MTA3: variants seen among roughly 807,000 people sequenced by gnomAD.
The protein encoded by MTA3 is metastasis-associated protein MTA3.
A neutral mutation model predicts 83.5 loss-of-function variants in MTA3; 34 were observed. That is an observed-to-expected ratio of 0.41 (90% CI 0.31 to 0.54). MTA3 has a LOEUF of 0.54. Ranked by LOEUF, MTA3 falls within the 20% of genes least tolerant of loss-of-function variation. The pLI is 0.33. For missense variants in MTA3, 761 were observed against 726.4 expected, an observed-to-expected ratio of 1.05 and a Z score of -0.55; for synonymous variants, 303 against 252.7, an observed-to-expected ratio of 1.20 and a Z score of -1.89.
chr2:42,737,218 T>C (rs1231410639), intron 16 of MTA3, among the ~76,000 whole-genome samples: 1 of 152,204 alleles, frequency 6.6e-6, no homozygotes, highest in Non-Finnish European at 1.5e-5. Flanking sequence ...TTGCAGTCCT[T>C]GTGGCCTAGA....
At chr2:42,683,908 A>G (rs912399383) in intron 9 of MTA3, among the ~76,000 whole-genome samples, 1 of 152,172 alleles carries the variant, frequency 6.6e-6, no homozygotes, top group African/African-American at 2.4e-5. Context: ...TGAGTATCCT[A>G]TGTATATTTT....
chr2:42,701,645 G>T (rs1665569093), intron 11 of MTA3, among the ~76,000 whole-genome samples: 2 of 152,160 alleles, frequency 1.3e-5, no homozygotes, highest in African/African-American at 2.4e-5. Flanking sequence ...GCTGGGCACA[G>T]TGACTTACGC....
intron 2 of MTA3, among the ~76,000 whole-genome samples, chr2:42,508,762 G>A (rs1272462001): frequency 1.4e-5 from 2 of 141,578 alleles, no homozygotes; most frequent in Non-Finnish European, 3.0e-5. Flanking sequence ...ATATTATATA[G>A]TATTATATAA....
chr2:42,530,044 G>T (rs563554061), intron 2 of MTA3, among the ~76,000 whole-genome samples: 216 of 151,994 alleles, frequency 1.4e-3, no homozygotes, highest in Non-Finnish European at 2.1e-3. Context: ...AATTAGCCGG[G>T]CGTGGTGGTG....
intron 2 of MTA3, among the ~76,000 whole-genome samples, chr2:42,525,631 T>C (rs74179018): frequency 0.33 from 46,265 of 138,640 alleles, 7,824 homozygotes; most frequent in South Asian, 0.38. Flanking sequence ...TCCTACTTTC[T>C]TTCTTTCTTT....
In MTA3 at chr2:42,756,513, C is replaced by T. The variant is rs1670247100; in HGVS notation, c.*3114C>T. ...AGTGCACTCGGTGTCATGTCTGAGC[C>T]TGGTGTTTATGCCCCACTGCTGTCC... On this transcript the variant is annotated 3_prime_UTR_variant, in exon 17 of 17. Coordinates refer to ENST00000405094, the MANE Select transcript of MTA3 (RefSeq NM_001330442.2). 2.8e-5 allele frequency: 28 copies of T among 985,638 alleles called. No individual in the cohort carries two copies. In the South Asian group the frequency reaches 1.3e-3, roughly 45 times the overall value. The allele number at this position is 985,638 out of a possible 1,614,324, so 61.1% of individuals were successfully genotyped here.
At chr2:42,558,582 G>A (rs1459804363) in intron 2 of MTA3, among the ~76,000 whole-genome samples, 68 of 145,866 alleles carry the variant, frequency 4.7e-4, no homozygotes, top group Admixed American at 2.8e-3. Flanking sequence ...TTGAGACAGA[G>A]TCTCACTCTC....
chr2:42,566,906 G>C (rs1677937200), upstream of MTA3, among the ~76,000 whole-genome samples: 1 of 152,198 alleles, frequency 6.6e-6, no homozygotes, highest in Non-Finnish European at 1.5e-5. Flanking sequence ...ATTGCTGCCA[G>C]TTTACTGTGT....
intron 8 of MTA3, chr2:42,679,954 C>T (rs1691720978): frequency 6.6e-6 from 1 of 151,570 alleles, no homozygotes; most frequent in East Asian, 1.9e-4. Flanking sequence ...GTGAATGTAA[C>T]AGATTAAAAG....
chr2:42,536,877 A>AAAAT (rs1676268406), intron 2 of MTA3, among the ~76,000 whole-genome samples: 2 of 150,798 alleles, frequency 1.3e-5, no homozygotes, highest in Non-Finnish European at 3.0e-5. Context: ...AAAAAAAAAA[A>AAAAT]GGGAGTATAT....
At chr2:42,598,885 G>T (rs1387518408) in intron 3 of MTA3, among the ~76,000 whole-genome samples, 1 of 152,130 alleles carries the variant, frequency 6.6e-6, no homozygotes, top group Admixed American at 6.6e-5. Flanking sequence ...GACATACATG[G>T]GAAGTGGGTA....
chr2:42,695,877 T>C, intron 10 of MTA3, 38 bp downstream of exon 10: 1 of 1,275,398 alleles, frequency 7.8e-7, no homozygotes. Flanking sequence ...TGGTTGCATT[T>C]AAGTGAACTT....
At position 42,700,089 on chromosome 2, in the gene MTA3, T is replaced by C. The variant is rs866158996; in HGVS notation, c.1025+2255T>C. ...GCTGGTGGGAAATAGCCAAGTAATT[T>C]AATAACATGGAGATCATTGGTGATC... is the stretch of plus-strand genomic sequence containing the variant. On this transcript the variant is annotated intron_variant, in intron 11 of 16. Coordinates refer to ENST00000405094, the MANE Select transcript of MTA3 (RefSeq NM_001330442.2). Among the ~76,000 whole-genome samples the C allele has an allele frequency of 9.9e-5, 15 of 152,006 alleles. No homozygotes were observed. The South Asian group carries it at 1.0e-3, about 11-fold the overall frequency.
At chr2:42,700,272 A>G (rs79959021) in intron 11 of MTA3, among the ~76,000 whole-genome samples, 2,481 of 152,212 alleles carry the variant, frequency 0.016, 61 homozygotes, top group African/African-American at 0.057. Flanking sequence ...AGGAAGGGCA[A>G]TTTCATATAA....
chr2:42,753,706 C>T lies in MTA3; in HGVS notation c.*307C>T, dbSNP rs548354613. ...ACCTCCTCCCTTCTGCAGCGCCCTG[C>T]GCCCCACCCAGCAACAGCGGCCACT... On this transcript the variant is annotated 3_prime_UTR_variant, in exon 17 of 17. Transcript: ENST00000405094. 18 of 1,208,052 alleles carry T rather than the reference C, an allele frequency of 1.5e-5. No individual in the cohort carries two copies. The highest frequency in any genetic ancestry group is 2.0e-5 in the South Asian group (1 of 50,058). The allele number at this position is 1,208,052 out of a possible 1,614,324, so 74.8% of individuals were successfully genotyped here.
At chr2:42,579,058 T>C in intron 2 of MTA3, 49 bp from the exon 3 acceptor site, 1 of 1,275,496 alleles carries the variant, frequency 7.8e-7, no homozygotes, top group Non-Finnish European at 1.1e-6. Flanking sequence ...TATAAATTAT[T>C]TGACTCTAAT....
chr2:42,685,228 G>T (rs1414688227), intron 9 of MTA3, among the ~76,000 whole-genome samples: 1 of 152,166 alleles, frequency 6.6e-6, no homozygotes, highest in Admixed American at 6.5e-5. Context: ...ACTGTTAGAT[G>T]ATTTTTTTGT....
chr2:42,619,721 A>T (rs1393939881), intron 4 of MTA3, among the ~76,000 whole-genome samples: 3 of 152,188 alleles, frequency 2.0e-5, no homozygotes, highest in Non-Finnish European at 4.4e-5. Flanking sequence ...TCAAATTATT[A>T]TTTCTTTATG....
At chr2:42,662,737 T>C (rs1689843268) in intron 8 of MTA3, among the ~76,000 whole-genome samples, 1 of 150,116 alleles carries the variant, frequency 6.7e-6, no homozygotes. Flanking sequence ...AAATACTTTT[T>C]TTTTTTTTTT....
Sources: allele counts gnomAD v4.1 joint callset (sites outside exome capture counted in the v4.1 genomes callset), GRCh38; gene constraint gnomAD v4.1.1; transcripts MANE v1.5; gene names NCBI Gene and HGNC (gene_info 2026-07-23, HGNC 2026-07-21).